CSRNP3: variants seen among roughly 807,000 people sequenced by gnomAD.
The protein encoded by CSRNP3 is cysteine and serine rich nuclear protein 3.
CSRNP3 carries 12 observed loss-of-function variants against 48.0 expected under a neutral mutation model. The observed-to-expected ratio is 0.25, with a 90% CI of 0.16 to 0.41. The LOEUF is 0.41. Ranked by LOEUF, CSRNP3 falls within the 10% of genes least tolerant of loss-of-function variation. The pLI, the probability that CSRNP3 is intolerant of heterozygous loss-of-function variation, is 1.00. For missense variants in CSRNP3, 580 were observed against 724.4 expected, an observed-to-expected ratio of 0.80 and a Z score of 2.29; for synonymous variants, 263 against 269.7, an observed-to-expected ratio of 0.98 and a Z score of 0.24.
In CSRNP3 at chr2:165,679,910, G is replaced by C. The variant is rs562167719; in HGVS notation, c.*157G>C. 8.1e-5 allele frequency: 81 copies of C among 996,882 alleles called. No individual in the cohort carries two copies. The East Asian group carries it at 1.9e-3, about 24-fold the overall frequency. The allele number at this position is 996,882 out of a possible 1,614,324, so 61.8% of individuals were successfully genotyped here. A position where few individuals can be genotyped will look rare whatever the true frequency, so the allele number is the denominator to read the frequency against. ...TTTGTTTTTTCCTTTCTAGCCACATGACTGTGGCATTGCACAAATACAGTC... is the reference window on the plus strand; with the variant it reads ...TTTGTTTTTTCCTTTCTAGCCACATCACTGTGGCATTGCACAAATACAGTC... On this transcript the variant is annotated 3_prime_UTR_variant, in exon 7 of 7. Transcript: ENST00000651982.
intron 3 of CSRNP3, among the ~76,000 whole-genome samples, chr2:165,576,993 G>T (rs1685461259): frequency 6.6e-6 from 1 of 151,888 alleles, no homozygotes; most frequent in African/African-American, 2.4e-5. Context: ...GCTTGGAAAA[G>T]ATTTCAGGGC....
In CSRNP3 at chr2:165,686,926, A is replaced by G. The variant is rs1173216012; in HGVS notation, c.*7173A>G. The G allele has an allele frequency of 2.6e-5, 4 of 152,142 alleles. No individual in the cohort carries two copies. Among genetic ancestry groups the G allele is most frequent in the Non-Finnish European group, 5.9e-5 (4 of 68,002 alleles). 9.4% of individuals were successfully genotyped at this position (152,142 alleles called of 1,614,324 possible). A position where few individuals can be genotyped will look rare whatever the true frequency, so the allele number is the denominator to read the frequency against. ...AGACTAGGAGGGATCTCCAGAGGTC[A>G]TATGGCTCATCGATCTACCACCAGG... On this transcript the variant is annotated 3_prime_UTR_variant, in exon 7 of 7. Coordinates refer to ENST00000651982, the MANE Select transcript of CSRNP3 (RefSeq NM_001172173.2).
At chr2:165,638,931 G>A in intron 4 of CSRNP3, among the ~76,000 whole-genome samples, 1 of 152,136 alleles carries the variant, frequency 6.6e-6, no homozygotes, top group East Asian at 1.9e-4. Context: ...GCTCCTGGGG[G>A]AAATACAGGG....
chr2:165,638,712 C>A (rs1686674726), intron 4 of CSRNP3, among the ~76,000 whole-genome samples: 1 of 152,002 alleles, frequency 6.6e-6, no homozygotes, highest in African/African-American at 2.4e-5. Context: ...ATTTTTATTT[C>A]TTTGTGACCA....
chr2:165,658,025 A>G lies in CSRNP3; in HGVS notation c.408+5A>G, dbSNP rs1050098480. The G allele has an allele frequency of 6.2e-7, 1 of 1,603,698 alleles. No individual in the cohort carries two copies. Among genetic ancestry groups the G allele is most frequent in the Non-Finnish European group, 8.5e-7 (1 of 1,173,104 alleles). On this transcript the variant is annotated splice_donor_5th_base_variant and intron_variant, in intron 5 of 6. Coordinates refer to ENST00000651982, the MANE Select transcript of CSRNP3 (RefSeq NM_001172173.2). ...CTGAACTCCTTAAAACTAAAGGTAA[A>G]AAACAAACTCATTTTCTGCAAAGTC... is the stretch of plus-strand genomic sequence containing the variant.
intron 2 of CSRNP3, among the ~76,000 whole-genome samples, chr2:165,504,496 A>AGT (rs1684398554): frequency 6.6e-6 from 1 of 152,094 alleles, no homozygotes; most frequent in Non-Finnish European, 1.5e-5. Context: ...TAACCACTAT[A>AGT]GTATGCTATA....
At chr2:165,531,608 G>T (rs989521911) in intron 3 of CSRNP3, among the ~76,000 whole-genome samples, 2 of 152,066 alleles carry the variant, frequency 1.3e-5, no homozygotes, top group African/African-American at 2.4e-5. Flanking sequence ...TGGCTGCATA[G>T]TATTTCATGG....
chr2:165,568,486 AG>A (rs1387662110), intron 3 of CSRNP3, among the ~76,000 whole-genome samples: 2 of 152,232 alleles, frequency 1.3e-5, no homozygotes, highest in East Asian at 3.9e-4. Flanking sequence ...ACTTACTACT[AG>A]GAACTCCCTT....
chr2:165,593,014 G>A lies in CSRNP3; in HGVS notation c.-23-2029G>A, dbSNP rs866897168. Among the ~76,000 whole-genome samples the A allele has an allele frequency of 1.1e-4, 16 of 151,694 alleles. No individual in the cohort carries two copies. The Middle Eastern group carries it at 0.014, about 129-fold the overall frequency. On this transcript the variant is annotated intron_variant, in intron 3 of 6. Coordinates refer to ENST00000651982, the MANE Select transcript of CSRNP3 (RefSeq NM_001172173.2). ...GACGGGGTTTCACCGTTTTAGCCGGGATGGTCTCGATCTCCTGACCTCGTG... is the reference window on the plus strand; with the variant it reads ...GACGGGGTTTCACCGTTTTAGCCGGAATGGTCTCGATCTCCTGACCTCGTG...
chr2:165,594,918 C>A (rs1437920675), intron 3 of CSRNP3, 125 bp from the exon 4 acceptor site: 1 of 627,964 alleles, frequency 1.6e-6, no homozygotes, highest in Non-Finnish European at 2.5e-6. Flanking sequence ...GCTAAAGATC[C>A]TTTCAAGGGA....
chr2:165,602,896 A>T (rs1220604837), intron 4 of CSRNP3, among the ~76,000 whole-genome samples: 2 of 151,016 alleles, frequency 1.3e-5, no homozygotes, highest in Admixed American at 1.3e-4. Context: ...TTATTTTTTT[A>T]TTTTTTTTAA....
chr2:165,637,638 T>C (rs933305584), intron 4 of CSRNP3, among the ~76,000 whole-genome samples: 7 of 152,222 alleles, frequency 4.6e-5, no homozygotes, highest in Admixed American at 1.3e-4. Context: ...ATGTAAAACA[T>C]ATGATCATAA....
At chr2:165,636,812 T>C (rs1686635225) in intron 4 of CSRNP3, among the ~76,000 whole-genome samples, 1 of 152,218 alleles carries the variant, frequency 6.6e-6, no homozygotes, top group African/African-American at 2.4e-5. Flanking sequence ...AATTAGAGTA[T>C]TAAGCATTAA....
At chr2:165,608,501 AT>A (rs1355761804) in intron 4 of CSRNP3, among the ~76,000 whole-genome samples, 1 of 152,222 alleles carries the variant, frequency 6.6e-6, no homozygotes, top group Non-Finnish European at 1.5e-5. Flanking sequence ...TACCTGGAAC[AT>A]TTTTAAAAAC....
At chr2:165,469,812 T>A (rs1385476166) in intron 1 of CSRNP3, 72 bp downstream of exon 1, 1 of 152,232 alleles carries the variant, frequency 6.6e-6, no homozygotes, top group African/African-American at 2.4e-5. Flanking sequence ...TCTTAATTTT[T>A]ACGGAAACAA....
chr2:165,655,065 T>A (rs542630298), intron 4 of CSRNP3, among the ~76,000 whole-genome samples: 1 of 152,298 alleles, frequency 6.6e-6, no homozygotes, highest in Non-Finnish European at 1.5e-5. Flanking sequence ...TTGGCTTGAA[T>A]GTTTCATGGG....
chr2:165,516,998 C>T (rs916835822), intron 2 of CSRNP3, among the ~76,000 whole-genome samples: 2 of 152,018 alleles, frequency 1.3e-5, no homozygotes, highest in Non-Finnish European at 2.9e-5. Flanking sequence ...TAGCTATTGT[C>T]ATTGGCTATG....
intron 1 of CSRNP3, among the ~76,000 whole-genome samples, chr2:165,481,616 A>G (rs957720593): frequency 6.6e-6 from 1 of 152,150 alleles, no homozygotes; most frequent in African/African-American, 2.4e-5. Flanking sequence ...TTCCTGATTT[A>G]TAGTTCTCCT....
chr2:165,573,337 AAAG>A (rs1252173922), intron 3 of CSRNP3, among the ~76,000 whole-genome samples: 4 of 152,160 alleles, frequency 2.6e-5, no homozygotes, highest in Admixed American at 6.5e-5. Flanking sequence ...TACCATTTAG[AAAG>A]ATTATGTGTC....
Sources: allele counts gnomAD v4.1 joint callset (sites outside exome capture counted in the v4.1 genomes callset), GRCh38; gene constraint gnomAD v4.1.1; transcripts MANE v1.5; gene names NCBI Gene and HGNC (gene_info 2026-07-23, HGNC 2026-07-21).